EBF2: variants seen among roughly 807,000 people sequenced by gnomAD.
EBF2 encodes transcription factor COE2.
Under a neutral mutation model 72.8 loss-of-function variants are expected in EBF2, and 21 were observed. That is an observed-to-expected ratio of 0.29 (90% CI 0.20 to 0.42). The LOEUF (loss-of-function observed/expected upper bound fraction) is 0.42, where lower values mean the gene tolerates loss of function less well. EBF2 is among the 10% of genes least tolerant of loss of function. The pLI, the probability that EBF2 is intolerant of heterozygous loss-of-function variation, is 1.00. For missense variants in EBF2, 637 were observed against 731.2 expected, an observed-to-expected ratio of 0.87 and a Z score of 1.49; for synonymous variants, 299 against 274.2, an observed-to-expected ratio of 1.09 and a Z score of -0.89.
intron 5 of EBF2, among the ~76,000 whole-genome samples, chr8:26,037,886 GATTTA>G (rs1805530097): frequency 6.6e-6 from 1 of 152,182 alleles, no homozygotes; most frequent in Non-Finnish European, 1.5e-5. Context: ...GCTAAACACA[GATTTA>G]TGAGGCTTTT....
chr8:26,033,229 A>AT, intron 5 of EBF2, 76 bp from the exon 6 acceptor site: 7 of 1,434,196 alleles, frequency 4.9e-6, no homozygotes, highest in Non-Finnish European at 5.9e-6. Flanking sequence ...TGACAAGAAC[A>AT]TTTTTTCCCC....
At chr8:25,886,909 A>G (rs1320432220) in intron 9 of EBF2, 28 bp from the exon 10 acceptor site, 1 of 1,608,460 alleles carries the variant, frequency 6.2e-7, no homozygotes, top group South Asian at 1.1e-5. Context: ...AGGGAAATAA[A>G]ATACCCATTA....
At chr8:25,911,065 T>A (rs1803120585) in intron 6 of EBF2, among the ~76,000 whole-genome samples, 1 of 152,088 alleles carries the variant, frequency 6.6e-6, no homozygotes, top group Non-Finnish European at 1.5e-5. Flanking sequence ...CCATCCACCA[T>A]GCTCAGGGTC....
intron 11 of EBF2, among the ~76,000 whole-genome samples, chr8:25,862,422 A>C (rs1802227273): frequency 6.6e-6 from 1 of 152,190 alleles, no homozygotes; most frequent in African/African-American, 2.4e-5. Context: ...TTATACTTTT[A>C]ACCAATTATG....
chr8:25,887,550 T>G (rs1047940490), intron 9 of EBF2, among the ~76,000 whole-genome samples: 1 of 152,030 alleles, frequency 6.6e-6, no homozygotes, highest in African/African-American at 2.4e-5. Flanking sequence ...GTTGTCCTTG[T>G]TTTTTTTCTG....
Position 25,915,182 on chromosome 8 carries a change from C to T in EBF2, c.552-6627G>A, listed in dbSNP as rs562793896. ...AGATTCAGAAAGGTTAAATGACTTG[C>T]CCAAGTCAAAACAGCTAGTAAGCAG... On this transcript the variant is annotated intron_variant, in intron 6 of 15. Coordinates refer to ENST00000520164, the MANE Select transcript of EBF2 (RefSeq NM_022659.4). 2.0e-5 allele frequency among the ~76,000 whole-genome samples: 3 copies of T among 152,066 alleles called. No individual in the cohort carries two copies. In the South Asian group the frequency reaches 6.2e-4, roughly 32 times the overall value.
chr8:26,008,206 C>T (rs1804914033), intron 6 of EBF2, among the ~76,000 whole-genome samples: 1 of 152,108 alleles, frequency 6.6e-6, no homozygotes, highest in Non-Finnish European at 1.5e-5. Flanking sequence ...CTCTCCTCGG[C>T]TATAAGTACA....
chr8:26,035,799 A>T (rs1805491737), intron 5 of EBF2, among the ~76,000 whole-genome samples: 1 of 152,140 alleles, frequency 6.6e-6, no homozygotes, highest in African/African-American at 2.4e-5. Context: ...TAAAATTTCA[A>T]TCCATCCCAA....
At chr8:25,957,213 C>T (rs573055746) in intron 6 of EBF2, among the ~76,000 whole-genome samples, 1 of 152,174 alleles carries the variant, frequency 6.6e-6, no homozygotes, top group Admixed American at 6.5e-5. Flanking sequence ...AAGAGCAAAT[C>T]TTTCTTTCCC....
intron 6 of EBF2, among the ~76,000 whole-genome samples, chr8:25,984,850 C>G (rs1179554768): frequency 6.6e-6 from 1 of 151,792 alleles, no homozygotes; most frequent in Middle Eastern, 3.2e-3. Flanking sequence ...CAGCTCAGAT[C>G]CACAGCCACC....
intron 6 of EBF2, among the ~76,000 whole-genome samples, chr8:25,909,125 A>G (rs988556628): frequency 4.6e-5 from 7 of 152,212 alleles, no homozygotes; most frequent in African/African-American, 1.7e-4. Context: ...AAGAAGTGTG[A>G]ATATCCTCTC....
At chr8:25,998,506 G>A (rs1804672581) in intron 6 of EBF2, among the ~76,000 whole-genome samples, 1 of 152,334 alleles carries the variant, frequency 6.6e-6, no homozygotes, top group South Asian at 2.1e-4. Context: ...CAAAACTGCT[G>A]TAATTTGAAT....
At chr8:26,040,872 G>A in intron 3 of EBF2, 67 bp downstream of exon 3, 1 of 1,602,630 alleles carries the variant, frequency 6.2e-7, no homozygotes. Flanking sequence ...ATCATGGCAA[G>A]GTCAGCGCGT....
rs774400064 is a variant in EBF2, at chr8:25,887,977, G to C, written c.752-5C>G. 4 of 1,600,266 alleles carry C rather than the reference G, an allele frequency of 2.5e-6. No homozygotes were observed. Among genetic ancestry groups the C allele is most frequent in the South Asian group, 1.1e-5 (1 of 88,840 alleles). On this transcript the variant is annotated splice_polypyrimidine_tract_variant and splice_region_variant and intron_variant, in intron 8 of 15. Coordinates refer to ENST00000520164, the MANE Select transcript of EBF2 (RefSeq NM_022659.4). ...TGGCTTTGATGCAGGGGGTAGCTAA[G>C]AAGACAGGAAAGAAAAAGTCAGGTT...
At chr8:26,032,959 T>G in intron 6 of EBF2, 126 bp downstream of exon 6, 3 of 838,448 alleles carry the variant, frequency 3.6e-6, no homozygotes, top group Non-Finnish European at 5.8e-6. Flanking sequence ...CTTTGTTGGA[T>G]GAGCTTAGTG....
At chr8:25,862,637 T>C in intron 11 of EBF2, 72 bp downstream of exon 11, 1 of 1,263,980 alleles carries the variant, frequency 7.9e-7, no homozygotes, top group South Asian at 1.5e-5. Flanking sequence ...GGGATGTAAA[T>C]GCCTGCATTT....
At chr8:25,947,783 T>G (rs1477997733) in intron 6 of EBF2, among the ~76,000 whole-genome samples, 1 of 152,222 alleles carries the variant, frequency 6.6e-6, no homozygotes, top group African/African-American at 2.4e-5. Flanking sequence ...CTTCTTCATC[T>G]TCACCCAGTC....
At chr8:25,880,883 A>G (rs1357984392) in intron 10 of EBF2, among the ~76,000 whole-genome samples, 1 of 152,118 alleles carries the variant, frequency 6.6e-6, no homozygotes. Context: ...TTAGCACGTT[A>G]TATCTTAAAA....
Position 25,889,863 on chromosome 8 carries a change from A to G in EBF2, c.640T>C (p.Leu214=), listed in dbSNP as rs755702079. The change falls in exon 8 of 16, where the codon TTG becomes CTG. Residue 214 remains leucine, a synonymous_variant. Transcript: ENST00000520164. ...PRDMRRFQVV[L]STTVNVDGHV... ...CCATCCACATTCACCGTTGTTGACAACACAACCTGCATATTTAAAGTAAAA... is the reference window on the plus strand; with the variant it reads ...CCATCCACATTCACCGTTGTTGACAGCACAACCTGCATATTTAAAGTAAAA... 1.2e-6 allele frequency: 2 copies of G among 1,613,534 alleles called. No individual in the cohort carries two copies.
Sources: allele counts gnomAD v4.1 joint callset (sites outside exome capture counted in the v4.1 genomes callset), GRCh38; gene constraint gnomAD v4.1.1; transcripts MANE v1.5; gene names NCBI Gene and HGNC (gene_info 2026-07-23, HGNC 2026-07-21).